The following ARHGEF28 variants were observed in gnomAD, a reference collection of about 807,000 sequenced individuals.
ARHGEF28 encodes the protein 190 kDa guanine nucleotide exchange factor.
ARHGEF28 carries 152 observed loss-of-function variants against 206.6 expected under a neutral mutation model. The ratio of observed to expected loss-of-function variants is 0.74; its 90% CI spans 0.64 to 0.84. ARHGEF28 has a LOEUF of 0.84. Ranked by LOEUF, ARHGEF28 falls within the 40% of genes least tolerant of loss-of-function variation. ARHGEF28 has a pLI of 0.00. For missense variants in ARHGEF28, 2,028 were observed against 2,073.2 expected (o/e 0.98, Z 0.42); for synonymous variants, 763 against 776.4 (o/e 0.98, Z 0.29).
At chr5:73,749,783 T>C (rs575627292) in intron 2 of ARHGEF28, 54 bp from the exon 3 acceptor site, 190 of 1,600,224 alleles carry the variant, frequency 1.2e-4, no homozygotes, top group Non-Finnish European at 1.6e-4. Flanking sequence ...TATTGTGCTT[T>C]CTTAGAGCCA....
chr5:73,656,872 A>T (rs1745240158), intron 1 of ARHGEF28, among the ~76,000 whole-genome samples: 2 of 152,170 alleles, frequency 1.3e-5, no homozygotes, highest in Non-Finnish European at 2.9e-5. Context: ...TGCTGCTCCT[A>T]TAAAAAGAAT....
In ARHGEF28 at chr5:73,813,770, C is replaced by A. The variant is rs996557004; in HGVS notation, c.1024+18379C>A. 4 of 1,362,120 alleles carry A rather than the reference C, an allele frequency of 2.9e-6. No homozygotes were observed. The East Asian group carries it at 7.6e-5, about 26-fold the overall frequency. 84.4% of individuals were successfully genotyped at this position (1,362,120 alleles called of 1,614,324 possible). ...TTGCCAGACTGTTTTTCCAATGTAG[C>A]GCGTGTTTATACGTGCCTTTATAAA... On this transcript the variant is annotated intron_variant, in intron 9 of 35. Transcript: ENST00000513042.
At chr5:73,911,213 A>G (rs1427738052) in intron 34 of ARHGEF28, 62 bp from the exon 35 acceptor site, 1 of 1,407,682 alleles carries the variant, frequency 7.1e-7, no homozygotes, top group East Asian at 2.5e-5. Flanking sequence ...AGGAATAAAT[A>G]CTTTATGAAA....
intron 2 of ARHGEF28, among the ~76,000 whole-genome samples, chr5:73,734,150 A>G (rs1479775578): frequency 6.6e-6 from 1 of 152,174 alleles, no homozygotes; most frequent in Non-Finnish European, 1.5e-5. Flanking sequence ...ACATGGATCT[A>G]AACTATATAA....
chr5:73,896,941 G>A (rs899924223), intron 29 of ARHGEF28, among the ~76,000 whole-genome samples: 3 of 152,194 alleles, frequency 2.0e-5, no homozygotes, highest in Non-Finnish European at 4.4e-5. Context: ...AATCCACCCT[G>A]GGTCACTGAC....
rs1197949011 is a variant in ARHGEF28 at position 73,626,340 on chromosome 5, C to G, written c.-12+18C>G. The G allele has an allele frequency of 6.6e-6, 1 of 152,290 alleles. No individual in the cohort carries two copies. Among genetic ancestry groups the G allele is most frequent in the Non-Finnish European group, 1.5e-5 (1 of 68,140 alleles). The allele number at this position is 152,290 out of a possible 1,614,324, so 9.4% of individuals were successfully genotyped here. On this transcript the variant is annotated intron_variant, in intron 1 of 35. Coordinates refer to ENST00000513042, the MANE Select transcript of ARHGEF28 (RefSeq NM_001177693.2). The stretch of plus-strand genomic sequence containing the variant: ...CGCTCCAGGTAAATGCTCTTTGGGA[C>G]TCCATCGTCTGCGTTTCCCTGCAGC...
chr5:73,699,150 G>C (rs917221064), intron 2 of ARHGEF28, among the ~76,000 whole-genome samples: 1 of 151,762 alleles, frequency 6.6e-6, no homozygotes, highest in African/African-American at 2.4e-5. Flanking sequence ...CTCCCCTAGA[G>C]CTGTGTGTGT....
At chr5:73,703,060 A>T (rs1206307630) in intron 2 of ARHGEF28, among the ~76,000 whole-genome samples, 1 of 152,232 alleles carries the variant, frequency 6.6e-6, no homozygotes, top group Non-Finnish European at 1.5e-5. Flanking sequence ...AGTTACCTGA[A>T]TCCAATTGGA....
intron 1 of ARHGEF28, among the ~76,000 whole-genome samples, chr5:73,680,276 A>C (rs1746987685): frequency 6.6e-6 from 1 of 151,760 alleles, no homozygotes; most frequent in African/African-American, 2.4e-5. Context: ...CTGTACTAAT[A>C]ATACAAAAAT....
rs33999122 is a variant in ARHGEF28 at position 73,844,767 on chromosome 5, C to CAA, written c.1428-1485_1428-1484dup. 6.4e-3 allele frequency among the ~76,000 whole-genome samples: 531 copies of CAA among 82,826 alleles called. 5 individuals are homozygous for CAA. Among genetic ancestry groups the CAA allele is most frequent in the African/African-American group, 0.018 (451 of 25,196 alleles). The allele number at this position is 82,826 out of a possible 152,430, so 54.3% of individuals were successfully genotyped here. ...ATTATAACTCCAGAACTGTAACAAC[C>CAA]AAAAAAAAAAAAAAAAACCACAAAA... On this transcript the variant is annotated intron_variant, in intron 11 of 35. Transcript: ENST00000513042.
chr5:73,864,697 C>G (rs1759598674), intron 16 of ARHGEF28, 120 bp from the exon 17 acceptor site: 1 of 805,384 alleles, frequency 1.2e-6, no homozygotes, highest in Admixed American at 2.9e-5. Flanking sequence ...TTTAGTTTTC[C>G]AGATATTTGT....
At chr5:73,644,254 G>T (rs1744295770) in intron 1 of ARHGEF28, among the ~76,000 whole-genome samples, 1 of 152,150 alleles carries the variant, frequency 6.6e-6, no homozygotes, top group Admixed American at 6.5e-5. Flanking sequence ...GTGAGAGTCT[G>T]TCTTATAGAC....
chr5:73,892,328 A>C (rs1170923463), intron 27 of ARHGEF28, 98 bp downstream of exon 27: 11 of 1,396,258 alleles, frequency 7.9e-6, no homozygotes, highest in Non-Finnish European at 1.1e-5. Flanking sequence ...TGCCTCTGCC[A>C]GAATGGTCTG....
intron 14 of ARHGEF28, 59 bp from the exon 15 acceptor site, chr5:73,857,597 A>G: frequency 6.6e-7 from 1 of 1,507,608 alleles, no homozygotes. Context: ...ATACACACAC[A>G]CGTATATGCT....
At position 73,911,388 on chromosome 5, in the gene ARHGEF28, C is replaced by A; in HGVS notation, c.4761C>A (p.Ile1587=). ...NTFNKLNPSV[I]HQDATYPTTQ... ...TCAACAAACTGAATCCATCAGTTATCCATCAGGATGCCACTTACCCTACAA... is the reference window on the plus strand; with the variant it reads ...TCAACAAACTGAATCCATCAGTTATACATCAGGATGCCACTTACCCTACAA... The change falls in exon 35 of 36, where the codon ATC becomes ATA. Residue 1587 remains isoleucine, a synonymous_variant. Coordinates refer to ENST00000513042, the MANE Select transcript of ARHGEF28 (RefSeq NM_001177693.2). 6.2e-7 allele frequency: 1 copy of A among 1,613,936 alleles called. No homozygotes were observed.
chr5:73,810,066 T>C (rs1755755122), intron 9 of ARHGEF28, among the ~76,000 whole-genome samples: 1 of 152,190 alleles, frequency 6.6e-6, no homozygotes, highest in South Asian at 2.1e-4. Context: ...ATGATCCACA[T>C]TCAGAAGAAA....
At chr5:73,713,323 A>G (rs1749365745) in intron 2 of ARHGEF28, among the ~76,000 whole-genome samples, 1 of 151,946 alleles carries the variant, frequency 6.6e-6, no homozygotes, top group African/African-American at 2.4e-5. Flanking sequence ...CAACATTCTT[A>G]TTTGTTTTTA....
chr5:73,723,389 T>C (rs1021632036), intron 2 of ARHGEF28, among the ~76,000 whole-genome samples: 1 of 152,210 alleles, frequency 6.6e-6, no homozygotes, highest in African/African-American at 2.4e-5. Flanking sequence ...GGTTTCACCA[T>C]GTTGGCCAGG....
At chr5:73,755,331 C>A (rs1752249559) in intron 4 of ARHGEF28, among the ~76,000 whole-genome samples, 1 of 151,744 alleles carries the variant, frequency 6.6e-6, no homozygotes, top group African/African-American at 2.4e-5. Flanking sequence ...GGGTGTGGAT[C>A]CATTTTGACA....
Sources: allele counts gnomAD v4.1 joint callset (sites outside exome capture counted in the v4.1 genomes callset), GRCh38; gene constraint gnomAD v4.1.1; transcripts MANE v1.5; gene names NCBI Gene and HGNC (gene_info 2026-07-23, HGNC 2026-07-21).